The following NOA1 variants were observed in gnomAD, a reference collection of about 807,000 sequenced individuals.
NOA1 encodes nitric oxide-associated protein 1.
A neutral mutation model predicts 58.4 loss-of-function variants in NOA1; 35 were observed. The ratio of observed to expected loss-of-function variants is 0.60; its 90% CI spans 0.46 to 0.79. NOA1 has a LOEUF of 0.79. Among genes scored for constraint, NOA1 ranks in the 30% least tolerant of loss-of-function variants. The pLI is 0.00. For synonymous variants in NOA1, 397 were observed against 373.4 expected (o/e 1.06, Z -0.73); for missense variants, 895 against 894.6 (o/e 1.00, Z -0.01).
At chr4:56,973,819 C>T (rs1165652366) in intron 2 of NOA1, 39 bp downstream of exon 2, 1 of 1,599,920 alleles carries the variant, frequency 6.3e-7, no homozygotes, top group East Asian at 2.2e-5. Flanking sequence ...AGAATTTTAG[C>T]ATAGTACCAA....
In NOA1 at chr4:56,964,367, T is replaced by C. The variant is rs1371110107; in HGVS notation, c.1885+39A>G. The C allele has an allele frequency of 5.6e-6, 9 of 1,612,204 alleles. No homozygotes were observed. In the South Asian group the frequency reaches 9.9e-5, roughly 18 times the overall value. ...CAGGTGTGAGCCACCGTGCCTGCCC[T>C]TTTATTCACTTTTTAAAAAGTGCTT... On this transcript the variant is annotated intron_variant, in intron 6 of 6. Transcript: ENST00000264230.
chr4:56,977,544 GA>G lies in NOA1; in HGVS notation c.41del (p.Phe14SerfsTer126). The G allele has an allele frequency of 6.2e-7, 1 of 1,611,202 alleles. No individual in the cohort carries two copies. The highest frequency in any genetic ancestry group is 8.5e-7 in the Non-Finnish European group (1 of 1,178,978). On this transcript the variant is annotated frameshift_variant, in exon 1 of 7. Coordinates refer to ENST00000264230, the MANE Select transcript of NOA1 (RefSeq NM_032313.4). LOFTEE classifies it high-confidence loss of function. ...CTGCCGTGGGAGCGGATCCACGAAGGAAAAGGCTCAGCAGCCTGAACGGTAG... is the reference window on the plus strand; with the variant it reads ...CTGCCGTGGGAGCGGATCCACGAAGGAAAGGCTCAGCAGCCTGAACGGTAG... ...ARLPFRLLSL[F>X]LRGSAPTAAR... is the part of the protein sequence containing the mutation.
In NOA1 at chr4:56,963,417, TAC is replaced by T. The variant is rs1721641867; in HGVS notation, c.*31_*32del. The T allele has an allele frequency of 6.6e-7, 1 of 1,507,782 alleles. No homozygotes were observed. Among genetic ancestry groups the T allele is most frequent in the African/African-American group, 1.4e-5 (1 of 72,596 alleles). The allele number at this position is 1,507,782 out of a possible 1,614,324, so 93.4% of individuals were successfully genotyped here. A position where few individuals can be genotyped will look rare whatever the true frequency, so the allele number is the denominator to read the frequency against. ...ATTCAATGTATTTTGTTGTGTTCAA[TAC>T]AGTTAATATCTGGAGTGAACAAGGT... On this transcript the variant is annotated 3_prime_UTR_variant, in exon 7 of 7. Coordinates refer to ENST00000264230, the MANE Select transcript of NOA1 (RefSeq NM_032313.4).
In NOA1 at chr4:56,977,245, T is replaced by G; in HGVS notation, c.341A>C (p.Gln114Pro). The change falls in exon 1 of 7, where the codon CAG (glutamine) becomes CCG (proline). Residue 114 changes from glutamine to proline, a missense_variant. Physicochemically the swap from Gln to Pro is moderately conservative, Grantham distance 76. Coordinates refer to ENST00000264230, the MANE Select transcript of NOA1 (RefSeq NM_032313.4). The part of the protein sequence containing the change: ...QRQQRREERR[Q>P]QNLRARSREH... ...CCGGGACCTGGCCCGTAGGTTTTGC[T>G]GTCGCCGCTCCTCCCGCCGCTGCTG... 6.2e-7 allele frequency: 1 copy of G among 1,600,838 alleles called. No individual in the cohort carries two copies. Among genetic ancestry groups the G allele is most frequent in the South Asian group, 1.1e-5 (1 of 89,944 alleles).
intron 6 of NOA1, 46 bp downstream of exon 6, chr4:56,964,360 C>T (rs764071141): frequency 1.2e-6 from 2 of 1,611,672 alleles, no homozygotes; most frequent in East Asian, 2.2e-5. Flanking sequence ...AGCCACCGTG[C>T]CTGCCCTTTT....
chr4:56,966,504 A>T (rs1578537345), intron 5 of NOA1, 116 bp downstream of exon 5: 2 of 640,452 alleles, frequency 3.1e-6, no homozygotes, highest in East Asian at 5.6e-5. Context: ...GGTGAGGGAA[A>T]GCTAGCTCAA....
chr4:56,973,935 G>A lies in NOA1; in HGVS notation c.1232C>T (p.Ser411Leu). ...FKRHQRLKKD[S>L]TQAEEDLSEQ... is the part of the protein sequence containing the mutation. ...ACTAAGATCTTCTTCAGCTTGAGTT[G>A]AATCTTTTTTAAGTCTTTGATGCCT... The change falls in exon 2 of 7, where the codon TCA (serine) becomes TTA (leucine). Residue 411 changes from serine (S) to leucine (L), a missense_variant. Physicochemically the swap from Ser to Leu is moderately radical, Grantham distance 145. Around this residue, in one of 3 missense-constraint regions of NOA1, gnomAD observed 680 missense variants for 656.5 expected, o/e 1.04. Transcript: ENST00000264230. 6.2e-7 allele frequency: 1 copy of A among 1,613,996 alleles called. No homozygotes were observed. The highest frequency in any genetic ancestry group is 8.5e-7 in the Non-Finnish European group (1 of 1,179,912).
intron 5 of NOA1, among the ~76,000 whole-genome samples, chr4:56,965,145 G>A (rs183579183): frequency 2.9e-4 from 44 of 151,968 alleles, no homozygotes; most frequent in African/African-American, 5.3e-4. Flanking sequence ...GATTACAGGC[G>A]CGCACCACCA....
At position 56,975,934 on chromosome 4, in the gene NOA1, C is replaced by G. The variant is rs539399649; in HGVS notation, c.1144+508G>C. Among the ~76,000 whole-genome samples the G allele has an allele frequency of 2.0e-5, 3 of 152,178 alleles. No individual in the cohort carries two copies. In the East Asian group the frequency reaches 5.8e-4, roughly 29 times the overall value. On this transcript the variant is annotated intron_variant, in intron 1 of 6. Transcript: ENST00000264230. ...TGGTGGCGCATGCCTCGAATCCCAG[C>G]TACTAGGGAGGCTGAGGCAGGAGAA...
rs1298640279 is a variant in NOA1, at chr4:56,977,017, C to T, written c.569G>A (p.Arg190His). ...QRCWLLSHHR[R>H]ALRLQVSREQ... is the part of the protein sequence containing the mutation. ...GCGGCTCACCTGCAGGCGTAGAGCG[C>T]GCCGGTGGTGCGACAGCAGCCAGCA... is the stretch of plus-strand genomic sequence containing the variant. Residue 190 changes from arginine (R) to histidine (H), a missense_variant, in exon 1 of 7, where the codon CGC (arginine) becomes CAC (histidine). Arg to His is a conservative substitution (Grantham distance 29). This residue lies in a region of NOA1 where 680 missense variants were observed against 656.5 expected (regional missense o/e 1.04). Transcript: ENST00000264230. 2 of 1,590,698 alleles carry T rather than the reference C, an allele frequency of 1.3e-6. No individual in the cohort carries two copies. Among genetic ancestry groups the T allele is most frequent in the Non-Finnish European group, 1.7e-6 (2 of 1,173,502 alleles).
Position 56,977,491 on chromosome 4 carries a change from A to C in NOA1, c.95T>G (p.Leu32Arg). 1 of 1,613,782 alleles carries C rather than the reference A, an allele frequency of 6.2e-7. No homozygotes were observed. Among genetic ancestry groups the C allele is most frequent in the Non-Finnish European group, 8.5e-7 (1 of 1,180,018 alleles). The change falls in exon 1 of 7, where the codon CTG becomes CGG. Residue 32 changes from leucine to arginine, a missense_variant. Physicochemically the swap from Leu to Arg is moderately radical, Grantham distance 102 (BLOSUM62 -2). Coordinates refer to ENST00000264230, the MANE Select transcript of NOA1 (RefSeq NM_032313.4). ...GGAGGCGGCAGCGCACCTCCTCTCC[A>C]GGAGCGGCTCCCGGAGGCCATGGCG... is the stretch of plus-strand genomic sequence containing the variant. ...AARHGLREPLLERRCAAASSF... is the reference protein window; with the variant it reads ...AARHGLREPLRERRCAAASSF...
Position 56,977,526 on chromosome 4 carries a change from G to A in NOA1, c.60C>T (p.Pro20=). ...LLSLFLRGSA[P]TAARHGLREP... is the part of the protein sequence containing the mutation. ...CCCGGAGGCCATGGCGCGCTGCCGT[G>A]GGAGCGGATCCACGAAGGAAAAGGC... Residue 20 remains proline, a synonymous_variant, in exon 1 of 7, where the codon CCC becomes CCT. Coordinates refer to ENST00000264230, the MANE Select transcript of NOA1 (RefSeq NM_032313.4). The A allele has an allele frequency of 6.2e-7, 1 of 1,612,840 alleles. No homozygotes were observed.
Position 56,974,006 on chromosome 4 carries a change from A to C in NOA1, c.1161T>G (p.Leu387=), listed in dbSNP as rs1420517182. The C allele has an allele frequency of 6.2e-7, 1 of 1,613,006 alleles. No individual in the cohort carries two copies. The highest frequency in any genetic ancestry group is 1.7e-5 in the Admixed American group (1 of 60,010). ...TTGGGTTGCAAATAGGAAACTTCAGAAGGTTTAATGTAGTACCTGAAATAC... is the reference window on the plus strand; with the variant it reads ...TTGGGTTGCAAATAGGAAACTTCAGCAGGTTTAATGTAGTACCTGAAATAC... ...ISPWPGTTLN[L]LKFPICNPTP... Residue 387 remains leucine (L), a synonymous_variant, in exon 2 of 7, where the codon CTT becomes CTG. Coordinates refer to ENST00000264230, the MANE Select transcript of NOA1 (RefSeq NM_032313.4).
chr4:56,968,596 G>A, intron 3 of NOA1, 81 bp from the exon 4 acceptor site: 1 of 1,209,668 alleles, frequency 8.3e-7, no homozygotes, highest in Non-Finnish European at 1.1e-6. Flanking sequence ...AAAATAAAAA[G>A]TGATGAAAAA....
Position 56,976,745 on chromosome 4 carries a change from G to A in NOA1, c.841C>T (p.Pro281Ser), listed in dbSNP as rs1330929751. ...DCARAGLLLA[P>S]GHQGPQRPVK... Reference sequence around the variant, plus strand: ...GGGCGCTGTGGCCCTTGGTGGCCAGGGGCCAGCAGGAGCCCGGCGCGGGCA... The same window carrying A: ...GGGCGCTGTGGCCCTTGGTGGCCAGAGGCCAGCAGGAGCCCGGCGCGGGCA... Residue 281 changes from proline (P) to serine (S), a missense_variant, in exon 1 of 7, where the codon CCT becomes TCT. Transcript: ENST00000264230. The A allele has an allele frequency of 1.2e-6, 2 of 1,610,542 alleles. No individual in the cohort carries two copies. Among genetic ancestry groups the A allele is most frequent in the East Asian group, 2.2e-5 (1 of 44,790 alleles).
At chr4:56,969,789 T>C (rs1416498628) in intron 3 of NOA1, among the ~76,000 whole-genome samples, 1 of 151,878 alleles carries the variant, frequency 6.6e-6, no homozygotes, top group Non-Finnish European at 1.5e-5. Context: ...AGGAGTTTTT[T>C]TCTTTTTTTG....
rs749136167 is a variant in NOA1 at position 56,976,567 on chromosome 4, T to A, written c.1019A>T (p.Asp340Val). 2 of 1,614,018 alleles carry A rather than the reference T, an allele frequency of 1.2e-6. No homozygotes were observed. The highest frequency in any genetic ancestry group is 2.7e-5 in the African/African-American group (2 of 74,906). The change falls in exon 1 of 7, where the codon GAC becomes GTC. Residue 340 changes from aspartate to valine, a missense_variant. Physicochemically the swap from Asp to Val is radical, Grantham distance 152. Around this residue, in one of 3 missense-constraint regions of NOA1, gnomAD observed 680 missense variants for 656.5 expected, o/e 1.04. Coordinates refer to ENST00000264230, the MANE Select transcript of NOA1 (RefSeq NM_032313.4). ...ALQRSWRYRG[D>V]VYLVGATNAG... ...GTTGGTGGCGCCCACTAAGTAGACG[T>A]CCCCACGGTAGCGCCAGGAGCGCTG...
In NOA1 at chr4:56,964,415, A is replaced by G. The variant is rs1300214005; in HGVS notation, c.1876T>C (p.Ser626Pro). 4 of 1,613,954 alleles carry G rather than the reference A, an allele frequency of 2.5e-6. No individual in the cohort carries two copies. In the African/African-American group the frequency reaches 5.3e-5, roughly 22 times the overall value. Residue 626 changes from serine to proline, a missense_variant, in exon 6 of 7, where the codon TCC becomes CCC. Coordinates refer to ENST00000264230, the MANE Select transcript of NOA1 (RefSeq NM_032313.4). ...CTTGGCATAAAATTACCTGCAGAGG[A>G]AAACTTGATGTCGGCCACTGCTTCA... ...ASEAVADIKFSSAGWVSVTPN... is the reference protein window; with the variant it reads ...ASEAVADIKFPSAGWVSVTPN...
At chr4:56,973,479 C>A in intron 2 of NOA1, 126 bp from the exon 3 acceptor site, 1 of 806,698 alleles carries the variant, frequency 1.2e-6, no homozygotes, top group Non-Finnish European at 2.0e-6. Flanking sequence ...CATAATGATA[C>A]TTTTGCTTTT....
Sources: gnomAD v4.1 joint callset for allele counts (sites outside exome capture counted in the v4.1 genomes callset) on GRCh38, gnomAD v4.1.1 for gene constraint, gnomAD v4.1.1 regional missense constraint, MANE v1.5 for transcripts, NCBI Gene and HGNC (gene_info 2026-07-23, HGNC 2026-07-21) for gene names.